The following ATXN1 variants were observed in gnomAD, a reference collection of about 807,000 sequenced individuals.
ATXN1 encodes ataxin 1.
Under a neutral mutation model 56.4 loss-of-function variants are expected in ATXN1, and 8 were observed. The observed-to-expected ratio is 0.14, with a 90% CI of 0.08 to 0.26. ATXN1 has a LOEUF of 0.26. Ranked by LOEUF, ATXN1 falls within the 10% of genes least tolerant of loss-of-function variation. ATXN1 has a pLI of 1.00. For missense variants in ATXN1, 987 were observed against 1,106.5 expected (o/e 0.89, Z 1.53); for synonymous variants, 514 against 494.6 (o/e 1.04, Z -0.52).
intron 6 of ATXN1, among the ~76,000 whole-genome samples, chr6:16,402,518 A>C (rs1435875645): frequency 6.6e-6 from 1 of 152,160 alleles, no homozygotes; most frequent in Non-Finnish European, 1.5e-5. Flanking sequence ...AGCCAAGAAC[A>C]ACAGAAGAGG....
At chr6:16,400,271 C>T (rs1399164564) in intron 6 of ATXN1, among the ~76,000 whole-genome samples, 1 of 152,360 alleles carries the variant, frequency 6.6e-6, no homozygotes, top group African/African-American at 2.4e-5. Context: ...AGAACATTCT[C>T]TCCAACCCAG....
intron 6 of ATXN1, among the ~76,000 whole-genome samples, chr6:16,369,037 T>G (rs997278406): frequency 6.6e-6 from 1 of 152,210 alleles, no homozygotes; most frequent in African/African-American, 2.4e-5. Flanking sequence ...AACTCACTTA[T>G]TAAATTCAAT....
At chr6:16,433,675 C>T (rs924376771) in intron 6 of ATXN1, among the ~76,000 whole-genome samples, 7 of 152,304 alleles carry the variant, frequency 4.6e-5, no homozygotes, top group Admixed American at 2.0e-4. Context: ...GTTTTAAATT[C>T]CTTTAACTGT....
intron 6 of ATXN1, among the ~76,000 whole-genome samples, chr6:16,336,293 A>G (rs1290984188): frequency 2.0e-5 from 3 of 152,164 alleles, no homozygotes; most frequent in Non-Finnish European, 4.4e-5. Context: ...CTCATAGCAA[A>G]TATGCCTATT....
At chr6:16,461,177 C>G (rs1759986493) in intron 6 of ATXN1, among the ~76,000 whole-genome samples, 1 of 152,200 alleles carries the variant, frequency 6.6e-6, no homozygotes, top group Non-Finnish European at 1.5e-5. Context: ...TGGAAGGACC[C>G]ATGGTATGGA....
chr6:16,574,597 G>A (rs1581854631), intron 4 of ATXN1, among the ~76,000 whole-genome samples: 2 of 152,120 alleles, frequency 1.3e-5, no homozygotes, highest in African/African-American at 2.4e-5. Flanking sequence ...TGCCCACCTC[G>A]GCCTACCTAA....
intron 2 of ATXN1, among the ~76,000 whole-genome samples, chr6:16,671,540 T>C (rs1481022118): frequency 6.6e-6 from 1 of 152,180 alleles, no homozygotes; most frequent in East Asian, 1.9e-4. Flanking sequence ...CTACTATGTG[T>C]CACAAAGTTC....
chr6:16,300,947 A>AAAAT lies in ATXN1; in HGVS notation c.*5378_*5381dup, dbSNP rs1187364806. The AAAAT allele has an allele frequency of 6.5e-6, 1 of 152,688 alleles. No homozygotes were observed. The highest frequency in any genetic ancestry group is 2.4e-5 in the African/African-American group (1 of 41,470). The allele number at this position is 152,688 out of a possible 1,614,324, so 9.5% of individuals were successfully genotyped here. A position where few individuals can be genotyped will look rare whatever the true frequency, so the allele number is the denominator to read the frequency against. On this transcript the variant is annotated 3_prime_UTR_variant, in exon 8 of 8. Coordinates refer to ENST00000436367, the MANE Select transcript of ATXN1 (RefSeq NM_001128164.2). ...CCTCAGACGAGGGCTATATGTAACA[A>AAAAT]AAATAACAATAAGCATAGGTATAGT...
chr6:16,584,245 C>T (rs12215395), intron 4 of ATXN1, among the ~76,000 whole-genome samples: 49,475 of 89,790 alleles, frequency 0.55, 15,200 homozygotes, highest in East Asian at 0.8. Flanking sequence ...TATATATATA[C>T]ACACACACAC....
At chr6:16,626,815 T>A (rs1763415209) in intron 3 of ATXN1, among the ~76,000 whole-genome samples, 1 of 152,158 alleles carries the variant, frequency 6.6e-6, no homozygotes. Context: ...CTGGTGTCCT[T>A]GTAACAGGAG....
intron 6 of ATXN1, among the ~76,000 whole-genome samples, chr6:16,341,272 G>A (rs923552332): frequency 6.6e-6 from 1 of 152,114 alleles, no homozygotes; most frequent in Non-Finnish European, 1.5e-5. Context: ...AGCAGCTCTG[G>A]CTGAGAGACC....
intron 6 of ATXN1, among the ~76,000 whole-genome samples, chr6:16,379,857 G>T (rs1345455815): frequency 6.6e-6 from 1 of 152,220 alleles, no homozygotes; most frequent in Non-Finnish European, 1.5e-5. Context: ...TCCTCAAGAT[G>T]AGTTTTGAAA....
intron 6 of ATXN1, among the ~76,000 whole-genome samples, chr6:16,440,378 T>C (rs1286485510): frequency 4.0e-5 from 6 of 149,414 alleles, no homozygotes; most frequent in Non-Finnish European, 8.9e-5. Flanking sequence ...AGAAATGAAG[T>C]GATTGGAGAA....
chr6:16,452,933 T>A (rs189862794), intron 6 of ATXN1, among the ~76,000 whole-genome samples: 45 of 152,350 alleles, frequency 3.0e-4, no homozygotes, highest in African/African-American at 9.9e-4. Flanking sequence ...CTAGATTTTT[T>A]AAAAGGTTTA....
At chr6:16,702,197 C>T (rs1207111815) in intron 2 of ATXN1, among the ~76,000 whole-genome samples, 3 of 152,044 alleles carry the variant, frequency 2.0e-5, no homozygotes, top group Non-Finnish European at 2.9e-5. Flanking sequence ...TACAACTATC[C>T]GATCTTTGAC....
At chr6:16,726,495 T>A (rs1169489088) in intron 2 of ATXN1, among the ~76,000 whole-genome samples, 1 of 152,164 alleles carries the variant, frequency 6.6e-6, no homozygotes, top group Non-Finnish European at 1.5e-5. Context: ...GTAGAACTTC[T>A]CTTCGTAGAT....
At position 16,347,841 on chromosome 6, in the gene ATXN1, A is replaced by T. The variant is rs569569587; in HGVS notation, c.-160-19371T>A. On this transcript the variant is annotated intron_variant, in intron 6 of 7. Coordinates refer to ENST00000436367, the MANE Select transcript of ATXN1 (RefSeq NM_001128164.2). ...CAGGCTGCCCGAGCCAGCAGTGGTA[A>T]CCTTCTCCGATCCCTTTCCACACTG... Among the ~76,000 whole-genome samples the T allele has an allele frequency of 2.6e-5, 4 of 152,290 alleles. No homozygotes were observed. The South Asian group carries it at 8.3e-4, about 32-fold the overall frequency.
At chr6:16,442,211 T>C (rs1047989853) in intron 6 of ATXN1, among the ~76,000 whole-genome samples, 3 of 152,178 alleles carry the variant, frequency 2.0e-5, no homozygotes, top group Non-Finnish European at 2.9e-5. Flanking sequence ...AAGGATCTTA[T>C]ACCCAGCCAA....
intron 5 of ATXN1, among the ~76,000 whole-genome samples, chr6:16,488,133 CT>C (rs1440919832): frequency 2.0e-5 from 3 of 152,176 alleles, no homozygotes; most frequent in African/African-American, 7.2e-5. Flanking sequence ...AGGAACACCC[CT>C]GATGCAGGTA....
Sources: allele counts gnomAD v4.1 joint callset (sites outside exome capture counted in the v4.1 genomes callset), GRCh38; gene constraint gnomAD v4.1.1; transcripts MANE v1.5; gene names NCBI Gene and HGNC (gene_info 2026-07-23, HGNC 2026-07-21).